Variants in SEMA3D observed in about 807,000 individuals in gnomAD.
SEMA3D encodes the protein semaphorin-3D.
A neutral mutation model predicts 100.1 loss-of-function variants in SEMA3D; 84 were observed. The observed-to-expected ratio is 0.84, with a 90% CI of 0.70 to 1.01. The LOEUF is 1.01. Ranked by LOEUF, SEMA3D falls within the 50% of genes least tolerant of loss-of-function variation. SEMA3D has a pLI of 0.00. For missense variants in SEMA3D, 875 were observed against 934.1 expected, an observed-to-expected ratio of 0.94 and a Z score of 0.82; for synonymous variants, 312 against 320.7, an observed-to-expected ratio of 0.97 and a Z score of 0.29.
At chr7:85,160,081 T>A in intron 1 of SEMA3D, 1 of 916,656 alleles carries the variant, frequency 1.1e-6, no homozygotes, top group Non-Finnish European at 1.3e-6. Flanking sequence ...GAAAATAATA[T>A]ATATCTCAAT....
At chr7:85,068,472 G>T (rs1791687128) in intron 6 of SEMA3D, among the ~76,000 whole-genome samples, 188 bp from the exon 7 acceptor site, 3 of 151,942 alleles carry the variant, frequency 2.0e-5, no homozygotes, top group South Asian at 2.1e-4. Flanking sequence ...ACCATGTTTT[G>T]GTCTCCCTTG....
At chr7:85,168,464 G>A (rs1048391665) in intron 1 of SEMA3D, among the ~76,000 whole-genome samples, 2 of 151,632 alleles carry the variant, frequency 1.3e-5, no homozygotes, top group African/African-American at 4.8e-5. Context: ...TTCTAAATTA[G>A]TTGTCAACCT....
intron 3 of SEMA3D, among the ~76,000 whole-genome samples, chr7:85,117,040 A>C (rs1789263272): frequency 6.6e-6 from 1 of 152,176 alleles, no homozygotes; most frequent in South Asian, 2.1e-4. Context: ...TTTAAAATTG[A>C]GTAAGGCTTT....
intron 17 of SEMA3D, among the ~76,000 whole-genome samples, chr7:85,011,374 G>A: frequency 6.6e-6 from 1 of 151,802 alleles, no homozygotes; most frequent in Admixed American, 6.6e-5. Context: ...TATTAGAAAA[G>A]ACTGTGTGCA....
chr7:85,166,821 G>A (rs751827087), intron 1 of SEMA3D, among the ~76,000 whole-genome samples: 1 of 151,948 alleles, frequency 6.6e-6, no homozygotes, highest in Non-Finnish European at 1.5e-5. Flanking sequence ...AATAAAAAAT[G>A]AAAGCCCCGT....
intron 14 of SEMA3D, among the ~76,000 whole-genome samples, chr7:85,019,027 T>G (rs181408735): frequency 6.6e-6 from 1 of 151,804 alleles, no homozygotes; most frequent in Non-Finnish European, 1.5e-5. Context: ...GAAAAAAAAT[T>G]TCAGTGAGAA....
the SEMA3D span, among the ~76,000 whole-genome samples, chr7:85,201,625 G>T: frequency 1.3e-5 from 2 of 152,138 alleles, no homozygotes; most frequent in Non-Finnish European, 1.5e-5. Flanking sequence ...TTCTTTGGGA[G>T]TTTTTAGAGG....
At chr7:85,141,056 A>G (rs1315885938) in intron 2 of SEMA3D, 1 of 850,092 alleles carries the variant, frequency 1.2e-6, no homozygotes, top group Non-Finnish European at 1.4e-6. Context: ...ACTCATCACT[A>G]TGTTTTCATT....
At chr7:85,209,547 T>C in the SEMA3D span, among the ~76,000 whole-genome samples, 1 of 151,976 alleles carries the variant, frequency 6.6e-6, no homozygotes, top group Admixed American at 6.6e-5. Flanking sequence ...ATCGATTACT[T>C]AAAAGCTTTG....
chr7:85,046,272 C>G (rs1791006467), intron 9 of SEMA3D, among the ~76,000 whole-genome samples: 1 of 151,840 alleles, frequency 6.6e-6, no homozygotes, highest in South Asian at 2.1e-4. Context: ...CATTTCCTCC[C>G]TTTCTATTTA....
chr7:85,080,924 GTCTTTTA>G, intron 5 of SEMA3D, among the ~76,000 whole-genome samples: 1 of 152,220 alleles, frequency 6.6e-6, no homozygotes, highest in African/African-American at 2.4e-5. Context: ...CCCTCTATTT[GTCTTTTA>G]TGAGTTATTT....
At chr7:85,065,078 C>A (rs73703760) in intron 8 of SEMA3D, among the ~76,000 whole-genome samples, 1 of 151,988 alleles carries the variant, frequency 6.6e-6, no homozygotes, top group South Asian at 2.1e-4. Flanking sequence ...GTTATAAGAC[C>A]TTGACCAAAT....
intron 3 of SEMA3D, 26 bp from the exon 4 acceptor site, chr7:85,097,991 A>AGGTCAGTATATTTATAT (rs761393020): frequency 2.3e-6 from 3 of 1,315,690 alleles, no homozygotes; most frequent in Non-Finnish European, 3.1e-6. Context: ...AAAGAAAAGA[A>AGGTCAGTATATTTATAT]AGGAGAAAGA....
At chr7:85,212,977 A>C in the SEMA3D span, among the ~76,000 whole-genome samples, 1 of 152,042 alleles carries the variant, frequency 6.6e-6, no homozygotes, top group African/African-American at 2.4e-5. Flanking sequence ...ATATTAAAAG[A>C]ACAATTTTCT....
the SEMA3D span, among the ~76,000 whole-genome samples, chr7:85,205,076 CAT>C: frequency 1.3e-5 from 2 of 151,964 alleles, no homozygotes; most frequent in African/African-American, 4.8e-5. Context: ...GCTAGTCATT[CAT>C]ATGTCTTCTT....
chr7:85,192,642 A>G, the SEMA3D span, among the ~76,000 whole-genome samples: 2 of 152,126 alleles, frequency 1.3e-5, no homozygotes, highest in Non-Finnish European at 2.9e-5. Flanking sequence ...CTTTAAGCCT[A>G]TTTAGTATAG....
At chr7:85,041,851 CT>C (rs1790874782) in intron 10 of SEMA3D, 1 of 243,556 alleles carries the variant, frequency 4.1e-6, no homozygotes, top group South Asian at 1.5e-4. Context: ...TAGAAGGTGG[CT>C]CCTTTCAAAA....
chr7:85,091,239 A>C (rs541670983), intron 4 of SEMA3D, among the ~76,000 whole-genome samples: 165 of 152,014 alleles, frequency 1.1e-3, no homozygotes, highest in African/African-American at 3.4e-3. Flanking sequence ...AGAGAGAAAG[A>C]AAGCCAACAA....
intron 2 of SEMA3D, among the ~76,000 whole-genome samples, chr7:85,146,479 G>T (rs1447212815): frequency 6.6e-6 from 1 of 151,828 alleles, no homozygotes. Flanking sequence ...CCTTGAACCT[G>T]GGAGGCGGAG....
Sources: gnomAD v4.1 joint callset for allele counts (sites outside exome capture counted in the v4.1 genomes callset) on GRCh38, gnomAD v4.1.1 for gene constraint, MANE v1.5 for transcripts, NCBI Gene and HGNC (gene_info 2026-07-23, HGNC 2026-07-21) for gene names.